Variants in ARHGAP10 observed in about 807,000 individuals in gnomAD.
ARHGAP10 encodes rho GTPase-activating protein 10.
ARHGAP10 carries 87 observed loss-of-function variants against 108.6 expected under a neutral mutation model. That is an observed-to-expected ratio of 0.80 (90% CI 0.67 to 0.96). The LOEUF is 0.96. Among genes scored for constraint, ARHGAP10 ranks in the 40% least tolerant of loss-of-function variants. The probability of loss-of-function intolerance (pLI) is 0.00; values close to 1 mark genes in which losing one functional copy is unlikely to be tolerated. For missense variants in ARHGAP10, 939 were observed against 954.5 expected (o/e 0.98, Z 0.21); for synonymous variants, 347 against 341.1 (o/e 1.02, Z -0.19).
chr4:147,981,668 T>A (rs762913163), intron 18 of ARHGAP10, among the ~76,000 whole-genome samples: 1 of 152,248 alleles, frequency 6.6e-6, no homozygotes, highest in South Asian at 2.1e-4. Context: ...AGTCTCCTCC[T>A]ATTATTATGT....
intron 5 of ARHGAP10, among the ~76,000 whole-genome samples, chr4:147,859,473 G>T (rs188129870): frequency 6.6e-6 from 1 of 152,030 alleles, no homozygotes. Flanking sequence ...AAGGTTTCAT[G>T]ATGTTGGCCA....
intron 1 of ARHGAP10, among the ~76,000 whole-genome samples, chr4:147,741,767 T>TAC (rs369661175): frequency 0.062 from 8,351 of 134,622 alleles, 300 homozygotes; most frequent in Middle Eastern, 0.094. Context: ...TCGTTCTCTT[T>TAC]ACACACACAC....
chr4:147,926,121 C>A (rs1158821370), intron 13 of ARHGAP10, among the ~76,000 whole-genome samples: 1 of 152,076 alleles, frequency 6.6e-6, no homozygotes, highest in Non-Finnish European at 1.5e-5. Context: ...GCAGTTGTAT[C>A]CAGAGGGTGG....
chr4:147,996,995 T>C (rs1379454951), intron 18 of ARHGAP10, among the ~76,000 whole-genome samples: 1 of 152,196 alleles, frequency 6.6e-6, no homozygotes, highest in Non-Finnish European at 1.5e-5. Flanking sequence ...ACCCTGTCTG[T>C]GGTATTCTGT....
At chr4:147,910,392 T>TA (rs1465858978) in intron 12 of ARHGAP10, among the ~76,000 whole-genome samples, 1 of 152,182 alleles carries the variant, frequency 6.6e-6, no homozygotes, top group Non-Finnish European at 1.5e-5. Flanking sequence ...ACATTTACTT[T>TA]AATGTTTATT....
chr4:148,064,276 C>T, intron 21 of ARHGAP10, 140 bp from the exon 22 acceptor site: 1 of 633,696 alleles, frequency 1.6e-6, no homozygotes, highest in East Asian at 2.8e-5. Flanking sequence ...CTGATGTTCA[C>T]TTCCACGTTA....
chr4:148,054,912 TG>T (rs1236594226), intron 20 of ARHGAP10, among the ~76,000 whole-genome samples: 1 of 152,230 alleles, frequency 6.6e-6, no homozygotes, highest in African/African-American at 2.4e-5. Context: ...CTGTTGAAGA[TG>T]TTCAGCCTTC....
At chr4:147,807,917 A>T (rs971162758) in intron 1 of ARHGAP10, among the ~76,000 whole-genome samples, 7 of 152,234 alleles carry the variant, frequency 4.6e-5, no homozygotes, top group Non-Finnish European at 1.0e-4. Flanking sequence ...CTTTGGTTGT[A>T]TGGGTGTATA....
intron 20 of ARHGAP10, among the ~76,000 whole-genome samples, chr4:148,054,632 T>C (rs1419780419): frequency 6.6e-6 from 1 of 152,226 alleles, no homozygotes; most frequent in African/African-American, 2.4e-5. Context: ...GCAGTTACTG[T>C]ATTTATTCCC....
At chr4:147,954,900 T>C (rs945524027) in intron 15 of ARHGAP10, among the ~76,000 whole-genome samples, 3 of 152,098 alleles carry the variant, frequency 2.0e-5, no homozygotes, top group African/African-American at 7.2e-5. Flanking sequence ...GTTTAATCTT[T>C]TCTATGTATT....
At chr4:148,045,389 C>T (rs1728829198) in intron 19 of ARHGAP10, among the ~76,000 whole-genome samples, 1 of 152,044 alleles carries the variant, frequency 6.6e-6, no homozygotes, top group Non-Finnish European at 1.5e-5. Context: ...CCCCTGGAGT[C>T]TGGGGAGCTA....
At chr4:148,054,287 TATA>T (rs1214391698) in intron 20 of ARHGAP10, among the ~76,000 whole-genome samples, 18 of 152,244 alleles carry the variant, frequency 1.2e-4, no homozygotes, top group African/African-American at 4.1e-4. Context: ...AGATCTTTTA[TATA>T]AGTGATTTAA....
intron 18 of ARHGAP10, among the ~76,000 whole-genome samples, chr4:147,993,604 A>G (rs750152723): frequency 1.3e-5 from 2 of 152,238 alleles, no homozygotes; most frequent in Non-Finnish European, 2.9e-5. Context: ...ACCCAGTAGC[A>G]TGGTCTGGAG....
At chr4:147,909,666 G>A (rs1420465302) in intron 11 of ARHGAP10, 66 bp from the exon 12 acceptor site, 1 of 1,328,224 alleles carries the variant, frequency 7.5e-7, no homozygotes, top group Non-Finnish European at 1.1e-6. Flanking sequence ...GGTCCTCAGT[G>A]TGCCTACTTG....
intron 18 of ARHGAP10, among the ~76,000 whole-genome samples, chr4:147,978,327 C>T (rs1739677745): frequency 6.6e-6 from 1 of 152,130 alleles, no homozygotes; most frequent in African/African-American, 2.4e-5. Context: ...CACAACCTCA[C>T]TAGCACCTTA....
At chr4:147,800,315 G>A (rs527551993) in intron 1 of ARHGAP10, among the ~76,000 whole-genome samples, 63 of 152,300 alleles carry the variant, frequency 4.1e-4, no homozygotes, top group Non-Finnish European at 8.1e-4. Flanking sequence ...TGTGCCCCAC[G>A]GTTTTCCTCA....
chr4:147,819,976 A>G (rs973586898), intron 1 of ARHGAP10, among the ~76,000 whole-genome samples: 1 of 152,184 alleles, frequency 6.6e-6, no homozygotes, highest in Non-Finnish European at 1.5e-5. Flanking sequence ...GACAATGCGC[A>G]AATATTGACT....
chr4:148,013,861 C>CT (rs34482147), intron 18 of ARHGAP10, among the ~76,000 whole-genome samples: 3 of 149,596 alleles, frequency 2.0e-5, no homozygotes, highest in Non-Finnish European at 4.4e-5. Flanking sequence ...AAGGAAGACT[C>CT]TTTTTTATCA....
At chr4:148,050,365 C>CTTTTTTTTT (rs11309245) in intron 20 of ARHGAP10, among the ~76,000 whole-genome samples, 6 of 59,308 alleles carry the variant, frequency 1.0e-4, no homozygotes, top group Admixed American at 2.4e-4. Context: ...TCATCATCAT[C>CTTTTTTTTT]TTTTTTTTTT....
Sources: gnomAD v4.1 joint callset for allele counts (sites outside exome capture counted in the v4.1 genomes callset) on GRCh38, gnomAD v4.1.1 for gene constraint, MANE v1.5 for transcripts, NCBI Gene and HGNC (gene_info 2026-07-23, HGNC 2026-07-21) for gene names.